CSMD2: variants seen among roughly 807,000 people sequenced by gnomAD.
CSMD2 encodes CUB and sushi domain-containing protein 2.
CSMD2 carries 130 observed loss-of-function variants against 398.5 expected under a neutral mutation model. That is an observed-to-expected ratio of 0.33 (90% CI 0.28 to 0.38). The LOEUF (loss-of-function observed/expected upper bound fraction) is 0.38, where lower values mean the gene tolerates loss of function less well. Ranked by LOEUF, CSMD2 falls within the 10% of genes least tolerant of loss-of-function variation. The pLI is 1.00. For synonymous variants in CSMD2, 1,828 were observed against 1,908.5 expected, an observed-to-expected ratio of 0.96 and a Z score of 1.10; for missense variants, 3,829 against 4,764.9, an observed-to-expected ratio of 0.80 and a Z score of 5.78.
At chr1:33,614,698 C>T (rs757871628) in intron 39 of CSMD2, 78 bp from the exon 40 acceptor site, 12 of 760,998 alleles carry the variant, frequency 1.6e-5, no homozygotes, top group Admixed American at 4.6e-5. Flanking sequence ...TGGAAGCTCC[C>T]TTCAAGCAGC....
chr1:33,774,234 C>A (rs1252080275), intron 12 of CSMD2, among the ~76,000 whole-genome samples: 1 of 151,724 alleles, frequency 6.6e-6, no homozygotes, highest in East Asian at 1.9e-4. Flanking sequence ...CATCTCAAAT[C>A]AAATGTAAGT....
intron 3 of CSMD2, among the ~76,000 whole-genome samples, chr1:33,962,785 G>A (rs780313370): frequency 2.2e-4 from 34 of 152,174 alleles, no homozygotes; most frequent in Non-Finnish European, 4.3e-4. Flanking sequence ...GCTGCTCGGT[G>A]AGATCCTCTT....
chr1:33,709,354 C>T (rs1645908191), intron 21 of CSMD2, 96 bp from the exon 22 acceptor site: 3 of 1,108,116 alleles, frequency 2.7e-6, no homozygotes, highest in South Asian at 3.2e-5. Flanking sequence ...GATGACAAGT[C>T]GTTTGCCTGT....
intron 5 of CSMD2, among the ~76,000 whole-genome samples, chr1:33,911,225 A>T (rs1643427261): frequency 6.6e-6 from 1 of 152,230 alleles, no homozygotes; most frequent in Non-Finnish European, 1.5e-5. Flanking sequence ...ATAGGGGAAA[A>T]GTAACAAAGA....
chr1:34,146,440 C>A (rs1639771370), intron 1 of CSMD2, among the ~76,000 whole-genome samples: 1 of 152,150 alleles, frequency 6.6e-6, no homozygotes, highest in Non-Finnish European at 1.5e-5. Context: ...TCTTGTCCCT[C>A]CTCTTCCATT....
At chr1:33,618,029 G>GAGACAGAGAGAC (rs768272910) in intron 37 of CSMD2, among the ~76,000 whole-genome samples, 4 of 151,032 alleles carry the variant, frequency 2.6e-5, no homozygotes, top group South Asian at 2.1e-4. Flanking sequence ...CAGAGAGACA[G>GAGACAGAGAGAC]AGAGAGAGAG....
chr1:33,523,792 T>C (rs1654525715), intron 66 of CSMD2, among the ~76,000 whole-genome samples: 1 of 152,230 alleles, frequency 6.6e-6, no homozygotes, highest in African/African-American at 2.4e-5. Flanking sequence ...CATGTGAACA[T>C]GTCTATTATC....
chr1:33,734,670 A>G (rs1457096557), intron 15 of CSMD2, among the ~76,000 whole-genome samples: 7 of 151,982 alleles, frequency 4.6e-5, no homozygotes, highest in Admixed American at 4.6e-4. Context: ...CTGTAGTCCC[A>G]GCTACTCGGG....
intron 1 of CSMD2, among the ~76,000 whole-genome samples, chr1:34,113,797 A>G (rs1429912399): frequency 6.6e-6 from 1 of 152,242 alleles, no homozygotes; most frequent in East Asian, 1.9e-4. Flanking sequence ...AAGCCACCAT[A>G]TTGAAATGCA....
intron 3 of CSMD2, among the ~76,000 whole-genome samples, chr1:33,985,451 C>T (rs945577853): frequency 2.6e-5 from 4 of 152,190 alleles, no homozygotes; most frequent in African/African-American, 7.2e-5. Flanking sequence ...GACGTAGCCA[C>T]GTCTGCAGGG....
chr1:34,119,810 A>G (rs1661984031), intron 1 of CSMD2, among the ~76,000 whole-genome samples: 1 of 152,236 alleles, frequency 6.6e-6, no homozygotes, highest in Admixed American at 6.5e-5. Flanking sequence ...ATCCTTGTGC[A>G]TTGTTGGTGG....
intron 10 of CSMD2, among the ~76,000 whole-genome samples, chr1:33,802,142 A>C (rs568201881): frequency 6.6e-6 from 1 of 152,260 alleles, no homozygotes; most frequent in African/African-American, 2.4e-5. Context: ...GACTGAGATA[A>C]CCCAAATGCC....
intron 55 of CSMD2, 80 bp downstream of exon 55, chr1:33,557,654 A>G: frequency 1.0e-5 from 12 of 1,205,086 alleles, no homozygotes; most frequent in South Asian, 1.4e-5. Flanking sequence ...ACACACACAC[A>G]CACACATGCA....
chr1:33,850,227 G>GCA (rs142730464), intron 5 of CSMD2, among the ~76,000 whole-genome samples: 4,956 of 149,968 alleles, frequency 0.033, 86 homozygotes, highest in South Asian at 0.037. Flanking sequence ...GAGTGTGCAC[G>GCA]CACACACACA....
At chr1:33,539,909 T>G (rs1008635837) in intron 60 of CSMD2, among the ~76,000 whole-genome samples, 1 of 152,180 alleles carries the variant, frequency 6.6e-6, no homozygotes, top group African/African-American at 2.4e-5. Context: ...AGTATGTGGA[T>G]AGTTTTCTGC....
At chr1:33,978,714 G>A (rs532917579) in intron 3 of CSMD2, among the ~76,000 whole-genome samples, 1 of 152,278 alleles carries the variant, frequency 6.6e-6, no homozygotes, top group East Asian at 1.9e-4. Context: ...ATGATGCAAG[G>A]ATGCTTACGA....
chr1:34,092,047 T>G (rs1180990989), intron 1 of CSMD2, among the ~76,000 whole-genome samples: 1 of 152,090 alleles, frequency 6.6e-6, no homozygotes, highest in East Asian at 1.9e-4. Context: ...TGCAAAATAA[T>G]ATACAAAAAT....
At chr1:33,549,002 C>T (rs1394984281) in intron 56 of CSMD2, among the ~76,000 whole-genome samples, 1 of 152,172 alleles carries the variant, frequency 6.6e-6, no homozygotes, top group Admixed American at 6.5e-5. Flanking sequence ...AGGCCAAAGT[C>T]CTGGGTGGTC....
chr1:33,634,466 T>C (rs1642674409), intron 31 of CSMD2, among the ~76,000 whole-genome samples: 1 of 152,122 alleles, frequency 6.6e-6, no homozygotes, highest in South Asian at 2.1e-4. Context: ...TTGATGTCCT[T>C]TGCCACATCC....
Sources: gnomAD v4.1 joint callset for allele counts (sites outside exome capture counted in the v4.1 genomes callset) on GRCh38, gnomAD v4.1.1 for gene constraint, MANE v1.5 for transcripts, NCBI Gene and HGNC (gene_info 2026-07-23, HGNC 2026-07-21) for gene names.